The following B3GAT2 variants were observed in gnomAD, a reference collection of about 807,000 sequenced individuals.
B3GAT2 encodes the protein beta-1,3-glucuronyltransferase 2.
A neutral mutation model predicts 27.8 loss-of-function variants in B3GAT2; 26 were observed. That is an observed-to-expected ratio of 0.93 (90% CI 0.68 to 1.30). B3GAT2 has a LOEUF of 1.30. B3GAT2 is among the 50% of genes most tolerant of loss of function. The probability of loss-of-function intolerance (pLI) is 0.00; values close to 1 mark genes in which losing one functional copy is unlikely to be tolerated. For synonymous variants in B3GAT2, 218 were observed against 195.1 expected (o/e 1.12, Z -0.98); for missense variants, 458 against 459.0 (o/e 1.00, Z 0.02).
At chr6:70,949,912 G>C (rs948088110) in intron 1 of B3GAT2, among the ~76,000 whole-genome samples, 1 of 152,060 alleles carries the variant, frequency 6.6e-6, no homozygotes, top group Admixed American at 6.6e-5. Context: ...CAGGGACATG[G>C]ATGAAATTGG....
intron 1 of B3GAT2, among the ~76,000 whole-genome samples, chr6:70,899,305 A>G (rs1015231799): frequency 6.6e-6 from 1 of 152,228 alleles, no homozygotes; most frequent in Non-Finnish European, 1.5e-5. Context: ...TTTTGTCCAC[A>G]GAATACAGAA....
intron 2 of B3GAT2, among the ~76,000 whole-genome samples, chr6:70,889,324 C>T (rs1207188565): frequency 1.3e-5 from 2 of 152,020 alleles, no homozygotes; most frequent in Admixed American, 1.3e-4. Context: ...CTGTTATACC[C>T]CTTGAAACTG....
chr6:70,923,156 A>C (rs1251256695), intron 1 of B3GAT2, among the ~76,000 whole-genome samples: 3 of 152,170 alleles, frequency 2.0e-5, no homozygotes, highest in African/African-American at 7.2e-5. Context: ...GATTCTCCAA[A>C]CTTGGTTTAG....
At chr6:70,888,378 A>C (rs9784752) in intron 2 of B3GAT2, among the ~76,000 whole-genome samples, 5,108 of 152,332 alleles carry the variant, frequency 0.034, 147 homozygotes, top group African/African-American at 0.075. Flanking sequence ...AAATTAACCA[A>C]ACTTAAATTT....
At chr6:70,913,885 T>C (rs1236938398) in intron 1 of B3GAT2, among the ~76,000 whole-genome samples, 2 of 152,244 alleles carry the variant, frequency 1.3e-5, no homozygotes, top group Admixed American at 1.3e-4. Context: ...AGCTCCTGTG[T>C]TGGGTACATA....
At position 70,860,954 on chromosome 6, in the gene B3GAT2, CTT is replaced by C. The variant is rs766496843; in HGVS notation, c.*707_*708del. The C allele has an allele frequency of 2.8e-6, 1 of 356,352 alleles. No homozygotes were observed. Among genetic ancestry groups the C allele is most frequent in the Non-Finnish European group, 5.0e-6 (1 of 199,108 alleles). 22.1% of individuals were successfully genotyped at this position (356,352 alleles called of 1,614,324 possible). On this transcript the variant is annotated 3_prime_UTR_variant, in exon 4 of 4. Transcript: ENST00000230053. Reference sequence around the variant, plus strand: ...AAGAATTCAAATTTTATCTGCCTCTCTTGTAATTTGGATCTCTTCTTAATGTA... The same window carrying C: ...AAGAATTCAAATTTTATCTGCCTCTCGTAATTTGGATCTCTTCTTAATGTA...
At chr6:70,937,985 A>C (rs1319103674) in intron 1 of B3GAT2, among the ~76,000 whole-genome samples, 2 of 151,426 alleles carry the variant, frequency 1.3e-5, no homozygotes, top group Admixed American at 1.3e-4. Flanking sequence ...AGACGACATG[A>C]TTGTATATCT....
intron 2 of B3GAT2, among the ~76,000 whole-genome samples, chr6:70,874,035 C>T (rs1771977051): frequency 6.6e-6 from 1 of 151,990 alleles, no homozygotes; most frequent in African/African-American, 2.4e-5. Context: ...TTTTACCTAC[C>T]AAATATAATG....
chr6:70,875,004 TAA>T (rs879737909), intron 2 of B3GAT2, among the ~76,000 whole-genome samples: 7 of 144,056 alleles, frequency 4.9e-5, no homozygotes, highest in Admixed American at 2.8e-4. Flanking sequence ...TAGCCTTTTT[TAA>T]AAAAAAAAAA....
chr6:70,900,338 T>C (rs1772476684), intron 1 of B3GAT2, among the ~76,000 whole-genome samples: 1 of 152,176 alleles, frequency 6.6e-6, no homozygotes, highest in South Asian at 2.1e-4. Flanking sequence ...CGTTGTCATC[T>C]TCTCCAGGAA....
At chr6:70,924,950 C>A (rs922738682) in intron 1 of B3GAT2, among the ~76,000 whole-genome samples, 3 of 152,192 alleles carry the variant, frequency 2.0e-5, no homozygotes, top group African/African-American at 7.2e-5. Context: ...TATTATAGAT[C>A]CTGAGGTTGG....
At chr6:70,919,478 G>C (rs544327833) in intron 1 of B3GAT2, among the ~76,000 whole-genome samples, 13 of 152,292 alleles carry the variant, frequency 8.5e-5, no homozygotes, top group African/African-American at 3.1e-4. Flanking sequence ...GAGAAGAAAG[G>C]CGTTCTGGTT....
chr6:70,919,362 G>C (rs1194083147), intron 1 of B3GAT2, among the ~76,000 whole-genome samples: 1 of 152,152 alleles, frequency 6.6e-6, no homozygotes, highest in Non-Finnish European at 1.5e-5. Flanking sequence ...CCTTTAGCTT[G>C]GAGAAGTTTG....
Position 70,861,878 on chromosome 6 carries a change from CTGTT to C in B3GAT2, c.833_836del (p.Lys278ArgfsTer2). On this transcript the variant is annotated frameshift_variant, in exon 3 of 4. Transcript: ENST00000230053. LOFTEE classifies it high-confidence loss of function. ...GTTCCAGTTCTTCGACTGTTGTTAT[CTGTT>C]TGAGAAAGTCAGATTCTTGCATCCC... 1 of 1,614,008 alleles carries C rather than the reference CTGTT, an allele frequency of 6.2e-7. No homozygotes were observed. The highest frequency in any genetic ancestry group is 8.5e-7 in the Non-Finnish European group (1 of 1,179,976).
chr6:70,891,164 T>C (rs6455383), intron 2 of B3GAT2, among the ~76,000 whole-genome samples: 12,786 of 152,158 alleles, frequency 0.084, 871 homozygotes, highest in African/African-American at 0.17. Context: ...AGAATTGAAT[T>C]CTGAGGCACA....
intron 1 of B3GAT2, among the ~76,000 whole-genome samples, chr6:70,923,416 C>T (rs1772903426): frequency 6.6e-6 from 1 of 152,138 alleles, no homozygotes; most frequent in Non-Finnish European, 1.5e-5. Context: ...ACGGCTCACA[C>T]CCGTAATCCC....
chr6:70,869,248 C>T (rs993817972), intron 2 of B3GAT2, among the ~76,000 whole-genome samples: 188 of 152,046 alleles, frequency 1.2e-3, no homozygotes, highest in Non-Finnish European at 1.7e-3. Flanking sequence ...CTCCTGGGCT[C>T]GAGGGATGCT....
chr6:70,898,394 C>T (rs1054588543), intron 1 of B3GAT2, among the ~76,000 whole-genome samples: 3 of 152,086 alleles, frequency 2.0e-5, no homozygotes, highest in African/African-American at 7.2e-5. Context: ...ATAGTCCCCC[C>T]CACCTCCCCA....
chr6:70,872,626 C>T, intron 2 of B3GAT2, among the ~76,000 whole-genome samples: 1 of 150,386 alleles, frequency 6.6e-6, no homozygotes, highest in Non-Finnish European at 1.5e-5. Context: ...ATAGTTGGAT[C>T]ATTTTTATAC....
Sources: allele counts gnomAD v4.1 joint callset (sites outside exome capture counted in the v4.1 genomes callset), GRCh38; gene constraint gnomAD v4.1.1; transcripts MANE v1.5; gene names NCBI Gene and HGNC (gene_info 2026-07-23, HGNC 2026-07-21).